Variants in KIAA1549L observed in about 807,000 individuals in gnomAD.
The protein encoded by KIAA1549L is UPF0606 protein KIAA1549L.
Under a neutral mutation model 160.7 loss-of-function variants are expected in KIAA1549L, and 88 were observed. That is an observed-to-expected ratio of 0.55 (90% CI 0.46 to 0.65). The LOEUF (loss-of-function observed/expected upper bound fraction) is 0.65. Among genes scored for constraint, KIAA1549L ranks in the 30% least tolerant of loss-of-function variants. The pLI, the probability that KIAA1549L is intolerant of heterozygous loss-of-function variation, is 0.00. For missense variants in KIAA1549L, 2,258 were observed against 2,437.5 expected (o/e 0.93, Z 1.55); for synonymous variants, 950 against 976.7 (o/e 0.97, Z 0.51).
Position 33,395,659 on chromosome 11 carries a change from G to C in KIAA1549L, c.238+18770G>C, listed in dbSNP as rs144149283. ...TAACATGTTTTCTTATTGGCTGACTGCTAGGGTGAAAAAAACAGCTGTTTT... is the reference window on the plus strand; with the variant it reads ...TAACATGTTTTCTTATTGGCTGACTCCTAGGGTGAAAAAAACAGCTGTTTT... On this transcript the variant is annotated intron_variant, in intron 1 of 20. Transcript: ENST00000658780. 7.7e-3 allele frequency among the ~76,000 whole-genome samples: 1,167 copies of C among 152,184 alleles called. 14 individuals carry two copies. The highest frequency in any genetic ancestry group is 0.01 in the Non-Finnish European group (696 of 68,008).
intron 1 of KIAA1549L, among the ~76,000 whole-genome samples, chr11:33,408,697 A>G (rs1039347266): frequency 2.5e-4 from 37 of 149,516 alleles, no homozygotes; most frequent in African/African-American, 8.6e-4. Flanking sequence ...CATCTTTAAG[A>G]TTAAGTGTTC....
chr11:33,492,727 A>G (rs1487449896), intron 1 of KIAA1549L, among the ~76,000 whole-genome samples: 1 of 152,182 alleles, frequency 6.6e-6, no homozygotes, highest in Admixed American at 6.5e-5. Flanking sequence ...TAGATTTATT[A>G]TTGTCCCAGG....
intron 1 of KIAA1549L, among the ~76,000 whole-genome samples, chr11:33,490,381 T>C (rs2615941): frequency 0.99 from 148,726 of 150,820 alleles, 73,340 homozygotes; most frequent in Middle Eastern, 1. Context: ...TGGAGTTCAG[T>C]AGTGCAATCT....
intron 1 of KIAA1549L, among the ~76,000 whole-genome samples, chr11:33,389,707 G>GT (rs1159979483): frequency 5.9e-5 from 9 of 152,316 alleles, no homozygotes; most frequent in African/African-American, 2.2e-4. Context: ...TGTGACCAAT[G>GT]TAATATCTTT....
intron 1 of KIAA1549L, among the ~76,000 whole-genome samples, chr11:33,509,100 C>G (rs552505992): frequency 1.3e-5 from 2 of 152,294 alleles, no homozygotes; most frequent in African/African-American, 4.8e-5. Flanking sequence ...GTTTCTATCA[C>G]TCTTCTAGCA....
chr11:33,593,718 G>A (rs957844197), intron 12 of KIAA1549L, among the ~76,000 whole-genome samples: 2 of 152,232 alleles, frequency 1.3e-5, no homozygotes, highest in Non-Finnish European at 2.9e-5. Flanking sequence ...TACTGGAGGA[G>A]AAGTAGTTTG....
intron 16 of KIAA1549L, among the ~76,000 whole-genome samples, 157 bp downstream of exon 16, chr11:33,618,819 G>A (rs963867808): frequency 1.3e-5 from 2 of 152,294 alleles, no homozygotes; most frequent in East Asian, 3.9e-4. Flanking sequence ...TTGCAAAGTA[G>A]GACTACTTGG....
intron 16 of KIAA1549L, among the ~76,000 whole-genome samples, chr11:33,635,123 C>T (rs982431804): frequency 5.3e-5 from 8 of 152,166 alleles, no homozygotes; most frequent in Admixed American, 1.3e-4. Context: ...TCATGGTCTT[C>T]TTCCCACCTG....
intron 3 of KIAA1549L, among the ~76,000 whole-genome samples, chr11:33,546,562 T>G (rs1240855723): frequency 6.6e-6 from 1 of 152,192 alleles, no homozygotes; most frequent in Non-Finnish European, 1.5e-5. Flanking sequence ...CACCTAAATT[T>G]CTGTAACAAC....
At chr11:33,666,977 A>C (rs1852479385) in intron 20 of KIAA1549L, among the ~76,000 whole-genome samples, 1 of 152,160 alleles carries the variant, frequency 6.6e-6, no homozygotes, top group Admixed American at 6.5e-5. Flanking sequence ...TTATTAATCA[A>C]CCCCTGGGTT....
At chr11:33,385,246 C>A (rs1850151245) in intron 1 of KIAA1549L, among the ~76,000 whole-genome samples, 1 of 152,160 alleles carries the variant, frequency 6.6e-6, no homozygotes, top group Admixed American at 6.5e-5. Context: ...TATCTTGGCA[C>A]CATATATGTC....
At chr11:33,534,100 A>G (rs377453323) in intron 1 of KIAA1549L, among the ~76,000 whole-genome samples, 14 of 149,630 alleles carry the variant, frequency 9.4e-5, no homozygotes, top group South Asian at 2.1e-4. Context: ...GCTTTCCACA[A>G]TTTTTTTTTT....
In KIAA1549L at chr11:33,530,460, T is replaced by A. The variant is rs1590315232; in HGVS notation, c.239-11342T>A. ...AAATATATATATATATATATATATA[T>A]ATATATATATATATATATATATATG... On this transcript the variant is annotated intron_variant, in intron 1 of 20. Transcript: ENST00000658780. Among the ~76,000 whole-genome samples, 2 of 49,880 alleles carry A rather than the reference T, an allele frequency of 4.0e-5. 1 individual carries two copies. Among genetic ancestry groups the A allele is most frequent in the East Asian group, 5.7e-4 (2 of 3,488 alleles). The allele number at this position is 49,880 out of a possible 152,430, so 32.7% of individuals were successfully genotyped here. A position where few individuals can be genotyped will look rare whatever the true frequency, so the allele number is the denominator to read the frequency against.
chr11:33,442,222 G>C (rs1355165644), intron 1 of KIAA1549L, among the ~76,000 whole-genome samples: 1 of 152,208 alleles, frequency 6.6e-6, no homozygotes, highest in East Asian at 1.9e-4. Context: ...TCAAAGGTCA[G>C]ATAGTTGTAG....
At position 33,672,811 on chromosome 11, in the gene KIAA1549L, A is replaced by G. The variant is rs1852705169; in HGVS notation, c.*4657A>G. On this transcript the variant is annotated 3_prime_UTR_variant, in exon 21 of 21. Transcript: ENST00000658780. ...GATTTCTGAACAAGGCCCAGTTAGC[A>G]CAATGTCTTGCTCAGCAGACAATAA... 1 of 153,842 alleles carries G rather than the reference A, an allele frequency of 6.5e-6. No individual in the cohort carries two copies. The highest frequency in any genetic ancestry group is 1.5e-5 in the Non-Finnish European group (1 of 68,062). 9.5% of individuals were successfully genotyped at this position (153,842 alleles called of 1,614,324 possible).
At chr11:33,490,228 T>C (rs1033713830) in intron 1 of KIAA1549L, among the ~76,000 whole-genome samples, 2 of 152,114 alleles carry the variant, frequency 1.3e-5, no homozygotes, top group Non-Finnish European at 2.9e-5. Context: ...TTGAGAACAC[T>C]GGGGAGAACA....
chr11:33,448,927 A>G (rs16924336), intron 1 of KIAA1549L, among the ~76,000 whole-genome samples: 18,768 of 152,018 alleles, frequency 0.12, 1,569 homozygotes, highest in African/African-American at 0.24. Flanking sequence ...TCAGTGACTC[A>G]CTTTGGTTTG....
chr11:33,450,730 C>A (rs1260419700), intron 1 of KIAA1549L: 12 of 152,224 alleles, frequency 7.9e-5, no homozygotes, highest in Admixed American at 7.9e-4. Flanking sequence ...TGGACGGGAC[C>A]ATAACAGCTG....
intron 1 of KIAA1549L, among the ~76,000 whole-genome samples, chr11:33,502,958 C>A (rs113183622): frequency 9.2e-5 from 14 of 152,130 alleles, no homozygotes; most frequent in Non-Finnish European, 8.8e-5. Flanking sequence ...TCTTTTTTAA[C>A]GCAAACTTTA....
Sources: gnomAD v4.1 joint callset for allele counts (sites outside exome capture counted in the v4.1 genomes callset) on GRCh38, gnomAD v4.1.1 for gene constraint, MANE v1.5 for transcripts, NCBI Gene and HGNC (gene_info 2026-07-23, HGNC 2026-07-21) for gene names.